The following LMAN1L variants were observed in gnomAD, a reference collection of about 807,000 sequenced individuals.
The protein encoded by LMAN1L is protein ERGIC-53-like.
In LMAN1L, 60 loss-of-function variants were observed where a neutral mutation model predicts 58.3. The observed-to-expected ratio is 1.03, with a 90% CI of 0.84 to 1.27. The LOEUF is 1.27. LMAN1L is among the 50% of genes most tolerant of loss of function. The pLI is 0.00. For missense variants in LMAN1L, 629 were observed against 674.0 expected (o/e 0.93, Z 0.74); for synonymous variants, 280 against 271.6 (o/e 1.03, Z -0.31).
intron 4 of LMAN1L, among the ~76,000 whole-genome samples, chr15:74,817,636 C>T (rs1236219232): frequency 6.6e-6 from 1 of 152,224 alleles, no homozygotes; most frequent in Non-Finnish European, 1.5e-5. Flanking sequence ...GTCATCCGTC[C>T]TGAGTCAGCT....
intron 12 of LMAN1L, 135 bp from the exon 13 acceptor site, chr15:74,824,216 C>T: frequency 1.2e-6 from 1 of 808,184 alleles, no homozygotes; most frequent in Admixed American, 2.3e-5. Context: ...GCCCCCTCTC[C>T]AAGTTCCCTG....
At chr15:74,815,226 G>A (rs1440599306) in intron 1 of LMAN1L, among the ~76,000 whole-genome samples, 3 of 152,170 alleles carry the variant, frequency 2.0e-5, no homozygotes, top group Non-Finnish European at 4.4e-5. Flanking sequence ...CAGAGGCCCT[G>A]GGACTTGTGG....
chr15:74,814,801 G>A (rs542173792), intron 1 of LMAN1L, among the ~76,000 whole-genome samples: 7 of 152,256 alleles, frequency 4.6e-5, no homozygotes, highest in Admixed American at 1.3e-4. Flanking sequence ...GAGCCACCGC[G>A]CCCAGCCCAA....
intron 8 of LMAN1L, 137 bp from the exon 9 acceptor site, chr15:74,820,938 C>A: frequency 7.5e-7 from 1 of 1,326,184 alleles, no homozygotes; most frequent in Non-Finnish European, 1.0e-6. Context: ...CACTCAGACT[C>A]ATCTTCCAGG....
At position 74,825,589 on chromosome 15, in the gene LMAN1L, C is replaced by A; in HGVS notation, c.1565C>A (p.Ala522Asp). The A allele has an allele frequency of 1.2e-6, 2 of 1,611,904 alleles. No homozygotes were observed. The highest frequency in any genetic ancestry group is 1.7e-6 in the Non-Finnish European group (2 of 1,178,774). The change falls in exon 14 of 14, where the codon GCC becomes GAC. Residue 522 changes from alanine (A) to aspartate (D), a missense_variant. Physicochemically the swap from Ala to Asp is moderately radical, Grantham distance 126. This residue lies in a region of LMAN1L where 53 missense variants were observed against 59.7 expected (regional missense o/e 0.89). Transcript: ENST00000309664. ...LGILRRQPLP[A>D]SMPA ...ATTCTGAGGAGGCAGCCTCTCCCTG[C>A]CAGCATGCCTGCCTGACCCACCTCA...
At chr15:74,820,532 C>A in intron 7 of LMAN1L, 103 bp from the exon 8 acceptor site, 1 of 1,475,536 alleles carries the variant, frequency 6.8e-7, no homozygotes, top group Non-Finnish European at 9.4e-7. Context: ...GGCCAGCTGG[C>A]CAGGGAGGAA....
At chr15:74,823,421 C>A in intron 11 of LMAN1L, 138 bp from the exon 12 acceptor site, 3 of 800,908 alleles carry the variant, frequency 3.7e-6, no homozygotes, top group Non-Finnish European at 6.1e-6. Context: ...AAAAGACCAG[C>A]CCCCAAGAAG....
At chr15:74,816,781 C>A in intron 4 of LMAN1L, 91 bp downstream of exon 4, 1 of 1,257,584 alleles carries the variant, frequency 8.0e-7, no homozygotes, top group Non-Finnish European at 1.1e-6. Context: ...CAGCCTCCTC[C>A]AGCAGGGGGC....
intron 13 of LMAN1L, 75 bp downstream of exon 13, chr15:74,824,553 G>GAGAGGGGACACTTCAGCTC (rs2063932407): frequency 6.5e-6 from 10 of 1,545,346 alleles, no homozygotes; most frequent in Non-Finnish European, 8.0e-6. Context: ...TTGGATTTAG[G>GAGAGGGGACACTTCAGCTC]AGAGGGGACA....
chr15:74,813,891 C>T (rs548693193), intron 1 of LMAN1L, among the ~76,000 whole-genome samples: 1 of 152,086 alleles, frequency 6.6e-6, no homozygotes, highest in South Asian at 2.1e-4. Context: ...CTTTGGGAGG[C>T]CAAGGCGGAT....
chr15:74,825,391 A>G lies in LMAN1L; in HGVS notation c.1452-85A>G, dbSNP rs980422159. 3 of 1,449,502 alleles carry G rather than the reference A, an allele frequency of 2.1e-6. No individual in the cohort carries two copies. In the South Asian group the frequency reaches 3.8e-5, roughly 18 times the overall value. The allele number at this position is 1,449,502 out of a possible 1,614,324, so 89.8% of individuals were successfully genotyped here. On this transcript the variant is annotated intron_variant, in intron 13 of 13. Coordinates refer to ENST00000309664, the MANE Select transcript of LMAN1L (RefSeq NM_021819.3). ...GCGGAGGTTGTGGTGCAGTGAGTGT[A>G]GCAAGGCAAGCATGAGAGTCCTGGT... is the stretch of plus-strand genomic sequence containing the variant.
At position 74,816,203 on chromosome 15, in the gene LMAN1L, G is replaced by C; in HGVS notation, c.222G>C (p.Arg74Ser). The C allele has an allele frequency of 6.4e-7, 1 of 1,564,984 alleles. No homozygotes were observed. Among genetic ancestry groups the C allele is most frequent in the Non-Finnish European group, 8.7e-7 (1 of 1,155,194 alleles). ...LEEVRLTPSM[R>S]NRSGAVWSRA... ...AAGTGCGGCTGACGCCATCCATGAG[G>C]AACCGGAGTGGCGCCGTGTGGAGCA... The change falls in exon 2 of 14, where the codon AGG becomes AGC. Residue 74 changes from arginine (R) to serine (S), a missense_variant. By Grantham distance (110) the Arg-to-Ser change is moderately radical. Around this residue, in one of 3 missense-constraint regions of LMAN1L, gnomAD observed 573 missense variants for 597.3 expected, o/e 0.96. Transcript: ENST00000309664.
rs1317688057 is a variant in LMAN1L, at chr15:74,823,555, T to A, written c.1200-4T>A. The stretch of plus-strand genomic sequence containing the variant: ...CATCTTACTTGGTTACCACCCCCGG[T>A]TAGGGATGCAGCTGTCCGCATGGCT... On this transcript the variant is annotated splice_polypyrimidine_tract_variant and splice_region_variant and intron_variant, in intron 11 of 13. Coordinates refer to ENST00000309664, the MANE Select transcript of LMAN1L (RefSeq NM_021819.3). 1.2e-6 allele frequency: 2 copies of A among 1,613,322 alleles called. No individual in the cohort carries two copies. Among genetic ancestry groups the A allele is most frequent in the Admixed American group, 1.7e-5 (1 of 59,962 alleles).
At chr15:74,816,021 T>TG in intron 1 of LMAN1L, 136 bp from the exon 2 acceptor site, 1 of 1,139,854 alleles carries the variant, frequency 8.8e-7, no homozygotes, top group South Asian at 1.6e-5. Context: ...CCTGCTTCCC[T>TG]GGCTGGCCGC....
intron 4 of LMAN1L, among the ~76,000 whole-genome samples, chr15:74,817,103 T>C (rs1419711615): frequency 2.0e-5 from 3 of 152,174 alleles, no homozygotes; most frequent in Non-Finnish European, 2.9e-5. Context: ...GTCCCTTCCC[T>C]TTCCCCTGAT....
At chr15:74,813,163 C>A in intron 1 of LMAN1L, 134 bp downstream of exon 1, 1 of 936,350 alleles carries the variant, frequency 1.1e-6, no homozygotes, top group Non-Finnish European at 1.6e-6. Flanking sequence ...CAGTGCCAGG[C>A]ACCCCAGGAC....
At chr15:74,813,306 C>T in intron 1 of LMAN1L, 1 of 575,728 alleles carries the variant, frequency 1.7e-6, no homozygotes, top group South Asian at 1.5e-5. Context: ...GACCCCTGCC[C>T]TTCCTCTACC....
intron 11 of LMAN1L, among the ~76,000 whole-genome samples, chr15:74,823,002 C>T (rs2063924007): frequency 6.6e-6 from 1 of 152,204 alleles, no homozygotes; most frequent in African/African-American, 2.4e-5. Context: ...CCTTCAATGG[C>T]AGCTCCTAGG....
chr15:74,816,844 G>A (rs936886778), intron 4 of LMAN1L, among the ~76,000 whole-genome samples, 154 bp downstream of exon 4: 20 of 152,216 alleles, frequency 1.3e-4, no homozygotes, highest in Admixed American at 1.1e-3. Context: ...GCCGACGTCC[G>A]CCCCCCTGGG....
Sources: gnomAD v4.1 joint callset for allele counts (sites outside exome capture counted in the v4.1 genomes callset) on GRCh38, gnomAD v4.1.1 for gene constraint, gnomAD v4.1.1 regional missense constraint, MANE v1.5 for transcripts, NCBI Gene and HGNC (gene_info 2026-07-23, HGNC 2026-07-21) for gene names.